The following FAM3D variants were observed in gnomAD, a reference collection of about 807,000 sequenced individuals.
FAM3D encodes the protein FAM3 metabolism regulating signaling molecule D.
In FAM3D, 26 loss-of-function variants were observed where a neutral mutation model predicts 29.8. The observed-to-expected ratio is 0.87, with a 90% confidence interval of 0.64 to 1.21. The LOEUF (loss-of-function observed/expected upper bound fraction) is 1.21, where lower values mean the gene tolerates loss of function less well. FAM3D is among the 50% of genes most tolerant of loss of function. The pLI is 0.00. For synonymous variants in FAM3D, 115 were observed against 102.3 expected, an observed-to-expected ratio of 1.12 and a Z score of -0.75; for missense variants, 253 against 290.9, an observed-to-expected ratio of 0.87 and a Z score of 0.95.
intron 6 of FAM3D, among the ~76,000 whole-genome samples, chr3:58,641,578 G>A (rs940395805): frequency 6.6e-6 from 1 of 152,086 alleles, no homozygotes; most frequent in Non-Finnish European, 1.5e-5. Context: ...CTGTTACTCA[G>A]GCTGTTCTTG....
chr3:58,651,174 T>C lies in FAM3D; in HGVS notation c.122-1836A>G, dbSNP rs564500008. ...TTCCCTTGAGACACTTATCACTTTA[T>C]ACTCCAACAGACTGTGTTATTAAAT... is the stretch of plus-strand genomic sequence containing the variant. On this transcript the variant is annotated intron_variant, in intron 3 of 9. Coordinates refer to ENST00000358781, the MANE Select transcript of FAM3D (RefSeq NM_138805.3). Among the ~76,000 whole-genome samples the C allele has an allele frequency of 8.5e-5, 13 of 152,352 alleles. No homozygotes were observed. The South Asian group carries it at 1.0e-3, about 12-fold the overall frequency.
In FAM3D at chr3:58,633,989, G is replaced by A; in HGVS notation, c.*290C>T. On this transcript the variant is annotated 3_prime_UTR_variant, in exon 10 of 10. Coordinates refer to ENST00000358781, the MANE Select transcript of FAM3D (RefSeq NM_138805.3). The stretch of plus-strand genomic sequence containing the variant: ...AAAATTTAATTGGGCTCAAGTCTGG[G>A]CAGTTTGTCCTTCCTCAGGACCAGC... 2.4e-6 allele frequency: 1 copy of A among 410,336 alleles called. No individual in the cohort carries two copies. Among genetic ancestry groups the A allele is most frequent in the Non-Finnish European group, 4.4e-6 (1 of 229,536 alleles). The allele number at this position is 410,336 out of a possible 1,614,324, so 25.4% of individuals were successfully genotyped here.
intron 1 of FAM3D, among the ~76,000 whole-genome samples, chr3:58,659,934 G>A (rs1466934972): frequency 6.6e-6 from 1 of 152,344 alleles, no homozygotes; most frequent in East Asian, 1.9e-4. Flanking sequence ...AAATTCTGCA[G>A]ACAGAGTGTG....
chr3:58,661,016 A>T (rs994387698), intron 1 of FAM3D, among the ~76,000 whole-genome samples: 2 of 152,186 alleles, frequency 1.3e-5, no homozygotes, highest in African/African-American at 2.4e-5. Flanking sequence ...CATAGTAAAT[A>T]TTTTGGGCTT....
At chr3:58,646,351 T>C (rs1186116255) in intron 4 of FAM3D, among the ~76,000 whole-genome samples, 1 of 152,204 alleles carries the variant, frequency 6.6e-6, no homozygotes, top group East Asian at 1.9e-4. Flanking sequence ...CCTCTGGTGA[T>C]GCTGGCTGTT....
At chr3:58,663,071 G>A (rs1163423550) in intron 1 of FAM3D, among the ~76,000 whole-genome samples, 1 of 152,206 alleles carries the variant, frequency 6.6e-6, no homozygotes, top group Admixed American at 6.5e-5. Context: ...GCTAATTATT[G>A]TATTTTTAGT....
intron 8 of FAM3D, 72 bp from the exon 9 acceptor site, chr3:58,636,492 T>G: frequency 1.3e-6 from 2 of 1,579,110 alleles, no homozygotes; most frequent in East Asian, 2.2e-5. Flanking sequence ...GGGATTCCCA[T>G]GGGGCAAGGT....
At chr3:58,642,310 T>C (rs560700045) in intron 6 of FAM3D, among the ~76,000 whole-genome samples, 1 of 152,320 alleles carries the variant, frequency 6.6e-6, no homozygotes, top group South Asian at 2.1e-4. Context: ...CCATTAGGGT[T>C]TCTTGGCAGA....
chr3:58,662,250 G>A (rs2066946265), intron 1 of FAM3D, among the ~76,000 whole-genome samples: 2 of 152,142 alleles, frequency 1.3e-5, no homozygotes, highest in African/African-American at 4.8e-5. Context: ...TTCACCTCCC[G>A]CCCAGTGGGT....
intron 2 of FAM3D, among the ~76,000 whole-genome samples, chr3:58,654,066 A>G (rs1375819318): frequency 1.3e-5 from 2 of 152,216 alleles, no homozygotes; most frequent in African/African-American, 4.8e-5. Flanking sequence ...CTCCAGAGGG[A>G]GAGAATCTCT....
intron 6 of FAM3D, among the ~76,000 whole-genome samples, chr3:58,642,958 C>T (rs1238053542): frequency 1.3e-5 from 2 of 152,226 alleles, no homozygotes; most frequent in East Asian, 1.9e-4. Context: ...CTCCTCCCTG[C>T]ACTGTGTTGC....
chr3:58,647,915 C>T (rs189973011), intron 4 of FAM3D, among the ~76,000 whole-genome samples: 2 of 152,216 alleles, frequency 1.3e-5, no homozygotes, highest in African/African-American at 4.8e-5. Context: ...TTTATCTTTG[C>T]CAGCTGTGAA....
intron 1 of FAM3D, among the ~76,000 whole-genome samples, chr3:58,656,079 CCCTTCCTT>C (rs1221918213): frequency 1.3e-5 from 2 of 152,142 alleles, no homozygotes; most frequent in Non-Finnish European, 2.9e-5. Context: ...AGCCCTCCTT[CCCTTCCTT>C]CCTTCCTTCC....
At chr3:58,662,142 G>A (rs1260753372) in intron 1 of FAM3D, among the ~76,000 whole-genome samples, 1 of 125,856 alleles carries the variant, frequency 7.9e-6, no homozygotes, top group Non-Finnish European at 1.9e-5. Context: ...ATCAGGGTGG[G>A]GCTGGGTGGA....
chr3:58,660,967 A>C (rs2066918218), intron 1 of FAM3D, among the ~76,000 whole-genome samples: 1 of 152,216 alleles, frequency 6.6e-6, no homozygotes, highest in Non-Finnish European at 1.5e-5. Context: ...CACATTCTTA[A>C]CCACTTTGCC....
At chr3:58,662,098 G>A (rs537253262) in intron 1 of FAM3D, among the ~76,000 whole-genome samples, 44 of 152,342 alleles carry the variant, frequency 2.9e-4, no homozygotes, top group African/African-American at 1.1e-3. Flanking sequence ...TTTGCTGAGA[G>A]CTGGGTGTGT....
At position 58,635,839 on chromosome 3, in the gene FAM3D, T is replaced by C. The variant is rs2066149551; in HGVS notation, c.585+455A>G. Among the ~76,000 whole-genome samples the C allele has an allele frequency of 6.6e-6, 1 of 152,178 alleles. No individual in the cohort carries two copies. Among genetic ancestry groups the C allele is most frequent in the Non-Finnish European group, 1.5e-5 (1 of 68,036 alleles). ...TGCACCTGCCCCCTCCAGCACCTCT[T>C]GTCTGATGATGGCATCGGCCTCCTC... On this transcript the variant is annotated intron_variant, in intron 9 of 9. Coordinates refer to ENST00000358781, the MANE Select transcript of FAM3D (RefSeq NM_138805.3). This position sits in a 1 kb window ranked among gnomAD's most constrained non-coding sequence, Gnocchi z 5.2.
At chr3:58,655,491 C>T (rs2066767637) in intron 2 of FAM3D, 60 bp downstream of exon 2, 2 of 1,607,010 alleles carry the variant, frequency 1.2e-6, no homozygotes, top group Non-Finnish European at 1.7e-6. Context: ...TCACTGTGAG[C>T]CCAGGATGGG....
At position 58,649,183 on chromosome 3, in the gene FAM3D, C is replaced by T. The variant is rs981388124; in HGVS notation, c.145+132G>A. The stretch of plus-strand genomic sequence containing the variant: ...ATGGGAGGAGAGGACTGGGAAGAAT[C>T]AGGAAGCCCAGGTTTCTCTGGCACC... On this transcript the variant is annotated intron_variant, in intron 4 of 9. Transcript: ENST00000358781. 23 of 1,137,894 alleles carry T rather than the reference C, an allele frequency of 2.0e-5. No homozygotes were observed. In the African/African-American group the frequency reaches 2.0e-4, roughly 10 times the overall value. 70.5% of individuals were successfully genotyped at this position (1,137,894 alleles called of 1,614,324 possible).
Sources: gnomAD v4.1 joint callset for allele counts (sites outside exome capture counted in the v4.1 genomes callset) on GRCh38, gnomAD v4.1.1 for gene constraint, Gnocchi (gnomAD v3.1) non-coding constraint, MANE v1.5 for transcripts, NCBI Gene and HGNC (gene_info 2026-07-23, HGNC 2026-07-21) for gene names.